Variants in ARHGAP32 observed in about 807,000 individuals in gnomAD.
ARHGAP32 encodes rho GTPase-activating protein 32.
Under a neutral mutation model 186.5 loss-of-function variants are expected in ARHGAP32, and 51 were observed. That is an observed-to-expected ratio of 0.27 (90% CI 0.22 to 0.35). The LOEUF (loss-of-function observed/expected upper bound fraction) is 0.35, where lower values mean the gene tolerates loss of function less well. Among genes scored for constraint, ARHGAP32 ranks in the 10% least tolerant of loss-of-function variants. ARHGAP32 has a pLI of 1.00. For synonymous variants in ARHGAP32, 950 were observed against 964.3 expected (o/e 0.99, Z 0.27); for missense variants, 2,186 against 2,623.5 (o/e 0.83, Z 3.64).
intron 10 of ARHGAP32, among the ~76,000 whole-genome samples, chr11:129,046,699 A>G (rs1258302293): frequency 2.0e-5 from 3 of 152,234 alleles, no homozygotes; most frequent in Admixed American, 1.3e-4. Flanking sequence ...CTGCAATAAA[A>G]TAAGCCTGGA....
At chr11:129,027,701 C>T (rs1183533114) in intron 11 of ARHGAP32, among the ~76,000 whole-genome samples, 2 of 152,194 alleles carry the variant, frequency 1.3e-5, no homozygotes, top group African/African-American at 4.8e-5. Context: ...AAATTATAAC[C>T]CCACATAAGC....
intron 17 of ARHGAP32, among the ~76,000 whole-genome samples, chr11:128,981,184 G>A (rs1384189400): frequency 6.6e-6 from 1 of 152,032 alleles, no homozygotes; most frequent in African/African-American, 2.4e-5. Flanking sequence ...AATAATGAAC[G>A]ACAAGTTTTT....
At chr11:129,263,738 A>G (rs188469617) in intron 1 of ARHGAP32, among the ~76,000 whole-genome samples, 1 of 152,184 alleles carries the variant, frequency 6.6e-6, no homozygotes, top group Admixed American at 6.6e-5. Flanking sequence ...AAAGAAAACA[A>G]GCGTGGCCAA....
At chr11:129,171,167 T>TTG (rs1219379961) in intron 1 of ARHGAP32, among the ~76,000 whole-genome samples, 1 of 152,248 alleles carries the variant, frequency 6.6e-6, no homozygotes, top group African/African-American at 2.4e-5. Context: ...AGATGGTATT[T>TTG]TGTTTAATTA....
chr11:129,004,847 A>G (rs1937679056), intron 11 of ARHGAP32, among the ~76,000 whole-genome samples: 1 of 151,944 alleles, frequency 6.6e-6, no homozygotes, highest in African/African-American at 2.4e-5. Flanking sequence ...TTTATTGAAG[A>G]GTTTAGTCCA....
At chr11:129,070,222 T>A (rs914733208) in intron 6 of ARHGAP32, among the ~76,000 whole-genome samples, 2 of 152,040 alleles carry the variant, frequency 1.3e-5, no homozygotes, top group Admixed American at 1.3e-4. Flanking sequence ...ACTGGGGTTG[T>A]CAGAAGAGTA....
At chr11:129,201,268 A>C (rs1323294682) in intron 1 of ARHGAP32, among the ~76,000 whole-genome samples, 2 of 152,204 alleles carry the variant, frequency 1.3e-5, no homozygotes, top group African/African-American at 2.4e-5. Context: ...AGCAAAGATT[A>C]TAAGTATACT....
At chr11:129,049,643 CT>C (rs1359270272) in intron 10 of ARHGAP32, among the ~76,000 whole-genome samples, 2 of 152,128 alleles carry the variant, frequency 1.3e-5, no homozygotes, top group African/African-American at 2.4e-5. Context: ...GTAATATACT[CT>C]TTTTTGTCTG....
At chr11:129,250,937 A>G (rs989667686) in intron 1 of ARHGAP32, among the ~76,000 whole-genome samples, 9 of 152,214 alleles carry the variant, frequency 5.9e-5, no homozygotes, top group African/African-American at 2.2e-4. Flanking sequence ...GAATTCTACT[A>G]TTTTTGCCTT....
intron 12 of ARHGAP32, among the ~76,000 whole-genome samples, chr11:128,989,455 TGA>T (rs1186443971): frequency 6.6e-6 from 1 of 150,536 alleles, no homozygotes; most frequent in African/African-American, 2.4e-5. Context: ...CTGGCAGAAG[TGA>T]GAGATTCCAA....
intron 6 of ARHGAP32, among the ~76,000 whole-genome samples, chr11:129,079,781 A>G (rs978847807): frequency 6.6e-6 from 1 of 152,198 alleles, no homozygotes; most frequent in South Asian, 2.1e-4. Flanking sequence ...TAAATGGCCT[A>G]AATGCTCCAC....
At chr11:129,192,821 T>G (rs1338882599), upstream of ARHGAP32, among the ~76,000 whole-genome samples, 1 of 152,190 alleles carries the variant, frequency 6.6e-6, no homozygotes, top group Non-Finnish European at 1.5e-5. Flanking sequence ...ACATAAAAGC[T>G]GGGCTTGTCC....
chr11:129,097,295 T>C (rs902992084), intron 5 of ARHGAP32, among the ~76,000 whole-genome samples: 7 of 152,090 alleles, frequency 4.6e-5, no homozygotes, highest in African/African-American at 1.4e-4. Flanking sequence ...ACACCATCTC[T>C]ACAAATCTAC....
At chr11:129,081,702 G>A (rs1045351527) in intron 6 of ARHGAP32, among the ~76,000 whole-genome samples, 32 of 151,752 alleles carry the variant, frequency 2.1e-4, no homozygotes, top group South Asian at 1.5e-3. Flanking sequence ...AGACAAGGAT[G>A]CCTCCTTTCA....
At position 128,968,712 on chromosome 11, in the gene ARHGAP32, C is replaced by A; in HGVS notation, c.*195G>T. 1 of 443,482 alleles carries A rather than the reference C, an allele frequency of 2.3e-6. No homozygotes were observed. The highest frequency in any genetic ancestry group is 1.0e-4 in the South Asian group (1 of 9,554). 27.5% of individuals were successfully genotyped at this position (443,482 alleles called of 1,614,324 possible). On this transcript the variant is annotated 3_prime_UTR_variant, in exon 23 of 23. Transcript: ENST00000682385. ...AGATCTTTTCTAAAGACAAAAATGA[C>A]AAAGTCTATAGATGGAAGAGGGGGT... is the stretch of plus-strand genomic sequence containing the variant.
At chr11:129,239,661 T>C (rs1944988469) in intron 1 of ARHGAP32, among the ~76,000 whole-genome samples, 1 of 149,116 alleles carries the variant, frequency 6.7e-6, no homozygotes, top group African/African-American at 2.4e-5. Context: ...TCATCTCTAA[T>C]GGACCCCCTC....
intron 11 of ARHGAP32, among the ~76,000 whole-genome samples, chr11:129,029,947 C>A (rs1478103074): frequency 6.6e-6 from 1 of 151,640 alleles, no homozygotes; most frequent in Non-Finnish European, 1.5e-5. Flanking sequence ...CCCTAAAGCA[C>A]TTTATAAATA....
intron 5 of ARHGAP32, among the ~76,000 whole-genome samples, chr11:129,117,794 AAC>A (rs899772732): frequency 4.6e-5 from 7 of 151,862 alleles, no homozygotes; most frequent in African/African-American, 1.7e-4. Context: ...ATGGCGGTAC[AAC>A]ACAAAGCACA....
chr11:129,165,544 C>T (rs937851675), intron 1 of ARHGAP32, among the ~76,000 whole-genome samples: 1 of 147,824 alleles, frequency 6.8e-6, no homozygotes, highest in Non-Finnish European at 1.5e-5. Flanking sequence ...GCAAATCTTT[C>T]GTTCACATTA....
Sources: allele counts gnomAD v4.1 joint callset (sites outside exome capture counted in the v4.1 genomes callset), GRCh38; gene constraint gnomAD v4.1.1; transcripts MANE v1.5; gene names NCBI Gene and HGNC (gene_info 2026-07-23, HGNC 2026-07-21).